The following ST6GALNAC5 variants were observed in gnomAD, a reference collection of about 807,000 sequenced individuals.
The protein encoded by ST6GALNAC5 is alpha-N-acetylgalactosaminide alpha-2,6-sialyltransferase 5.
A neutral mutation model predicts 33.6 loss-of-function variants in ST6GALNAC5; 27 were observed. That is an observed-to-expected ratio of 0.80 (90% CI 0.59 to 1.11). The LOEUF (loss-of-function observed/expected upper bound fraction) is 1.11. Among genes scored for constraint, ST6GALNAC5 ranks in the 50% least tolerant of loss-of-function variants. The pLI is 0.00. For missense variants in ST6GALNAC5, 428 were observed against 454.0 expected (o/e 0.94, Z 0.52); for synonymous variants, 194 against 171.2 (o/e 1.13, Z -1.04).
chr1:76,921,331 C>A (rs1272771622), intron 2 of ST6GALNAC5, among the ~76,000 whole-genome samples: 1 of 152,046 alleles, frequency 6.6e-6, no homozygotes, highest in Admixed American at 6.6e-5. Flanking sequence ...TTCTTTTCCC[C>A]TCTTGGGGAC....
chr1:77,022,418 A>T (rs1473223109), intron 2 of ST6GALNAC5, among the ~76,000 whole-genome samples: 1 of 152,228 alleles, frequency 6.6e-6, no homozygotes, highest in Admixed American at 6.5e-5. Flanking sequence ...GAAAGCCAAT[A>T]TAATGCAGTA....
intron 2 of ST6GALNAC5, among the ~76,000 whole-genome samples, chr1:76,950,172 G>A (rs1647685999): frequency 6.6e-6 from 1 of 152,120 alleles, no homozygotes; most frequent in South Asian, 2.1e-4. Flanking sequence ...TGCACGGTAT[G>A]AAGGACTGAG....
intron 2 of ST6GALNAC5, among the ~76,000 whole-genome samples, chr1:77,012,696 G>T (rs961411965): frequency 6.6e-6 from 1 of 152,176 alleles, no homozygotes; most frequent in African/African-American, 2.4e-5. Flanking sequence ...AGTTAAAGAA[G>T]ATTATGGGTG....
At chr1:76,980,604 G>A (rs990439815) in intron 2 of ST6GALNAC5, among the ~76,000 whole-genome samples, 1 of 152,120 alleles carries the variant, frequency 6.6e-6, no homozygotes, top group African/African-American at 2.4e-5. Flanking sequence ...GAAAATTAAA[G>A]CCTCTTTAAA....
At chr1:77,049,439 G>A (rs1258186798) in intron 3 of ST6GALNAC5, among the ~76,000 whole-genome samples, 1 of 152,152 alleles carries the variant, frequency 6.6e-6, no homozygotes, top group Non-Finnish European at 1.5e-5. Context: ...TAGCATGGTA[G>A]GCTGAGTCAT....
chr1:77,057,372 A>G (rs1652436237), intron 4 of ST6GALNAC5, among the ~76,000 whole-genome samples: 1 of 152,248 alleles, frequency 6.6e-6, no homozygotes, highest in Non-Finnish European at 1.5e-5. Flanking sequence ...AGAAAAGCAT[A>G]CACATTTATT....
intron 2 of ST6GALNAC5, among the ~76,000 whole-genome samples, chr1:76,984,197 C>T (rs895236618): frequency 5.3e-5 from 8 of 151,984 alleles, no homozygotes; most frequent in Non-Finnish European, 1.0e-4. Flanking sequence ...CACAAAAAAC[C>T]CTTCAAAAAA....
At chr1:77,056,379 A>G (rs1296970223) in intron 4 of ST6GALNAC5, among the ~76,000 whole-genome samples, 1 of 152,164 alleles carries the variant, frequency 6.6e-6, no homozygotes, top group African/African-American at 2.4e-5. Flanking sequence ...TCTACCTAAT[A>G]ATCTTATTTC....
intron 2 of ST6GALNAC5, among the ~76,000 whole-genome samples, chr1:76,993,049 G>A (rs1441531613): frequency 1.3e-5 from 2 of 152,054 alleles, no homozygotes; most frequent in African/African-American, 4.8e-5. Flanking sequence ...CACTCACTTA[G>A]AACTTGGATT....
chr1:76,877,255 T>C (rs1653664374), intron 2 of ST6GALNAC5, among the ~76,000 whole-genome samples: 1 of 151,956 alleles, frequency 6.6e-6, no homozygotes, highest in East Asian at 1.9e-4. Context: ...AGGCTCCAAA[T>C]AGCATCCCTA....
At chr1:77,052,917 CAA>C (rs34398611) in intron 4 of ST6GALNAC5, among the ~76,000 whole-genome samples, 379 of 69,960 alleles carry the variant, frequency 5.4e-3, no homozygotes, top group African/African-American at 0.011. Context: ...GGCTCTGTCT[CAA>C]AAAAAAAAAA....
intron 4 of ST6GALNAC5, among the ~76,000 whole-genome samples, chr1:77,057,811 T>G (rs1652449947): frequency 6.6e-6 from 1 of 152,188 alleles, no homozygotes; most frequent in Non-Finnish European, 1.5e-5. Context: ...ACCTCGTCAG[T>G]ACCCAGAAAT....
rs1376946203 is a variant in ST6GALNAC5, at chr1:77,004,211, A to T, written c.262-39993A>T. On this transcript the variant is annotated intron_variant, in intron 2 of 4. Coordinates refer to ENST00000477717, the MANE Select transcript of ST6GALNAC5 (RefSeq NM_030965.3). ...CATTTCTTTTTATTCTTTTTTCTCT[A>T]AACTTCCCTTCTCACTTCATTTCAT... 2.6e-5 allele frequency among the ~76,000 whole-genome samples: 4 copies of T among 151,002 alleles called. No individual in the cohort carries two copies. In the South Asian group the frequency reaches 8.4e-4, roughly 32 times the overall value.
chr1:77,051,750 G>C (rs1434821690), intron 4 of ST6GALNAC5, among the ~76,000 whole-genome samples: 2 of 152,154 alleles, frequency 1.3e-5, no homozygotes, highest in Non-Finnish European at 2.9e-5. Flanking sequence ...GGCCTAAAAA[G>C]GCAAACTGCC....
intron 2 of ST6GALNAC5, among the ~76,000 whole-genome samples, chr1:76,915,878 AAAAAAAAC>A (rs1245460172): frequency 7.1e-6 from 1 of 140,070 alleles, no homozygotes; most frequent in Admixed American, 7.1e-5. Context: ...AAAATAACAA[AAAAAAAAC>A]AAAAAAACAA....
chr1:77,041,688 C>G (rs1392569082), intron 2 of ST6GALNAC5, among the ~76,000 whole-genome samples: 1 of 152,144 alleles, frequency 6.6e-6, no homozygotes, highest in Non-Finnish European at 1.5e-5. Context: ...GAATAGGGGC[C>G]ACTTTCTGGA....
chr1:76,884,962 G>A (rs1429813820), intron 2 of ST6GALNAC5, among the ~76,000 whole-genome samples: 1 of 152,144 alleles, frequency 6.6e-6, no homozygotes, highest in Non-Finnish European at 1.5e-5. Context: ...GGTCCTCCAA[G>A]GAGTTATACA....
At chr1:77,044,912 C>T (rs1208235440) in intron 3 of ST6GALNAC5, among the ~76,000 whole-genome samples, 1 of 152,136 alleles carries the variant, frequency 6.6e-6, no homozygotes, top group African/African-American at 2.4e-5. Context: ...AGCTTTATTG[C>T]ATTTCATTTT....
intron 2 of ST6GALNAC5, among the ~76,000 whole-genome samples, chr1:76,884,335 A>T (rs953595850): frequency 6.6e-6 from 1 of 152,190 alleles, no homozygotes; most frequent in African/African-American, 2.4e-5. Context: ...CTTGCTGTGC[A>T]CCTGAATACC....
Sources: gnomAD v4.1 joint callset for allele counts (sites outside exome capture counted in the v4.1 genomes callset) on GRCh38, gnomAD v4.1.1 for gene constraint, MANE v1.5 for transcripts, NCBI Gene and HGNC (gene_info 2026-07-23, HGNC 2026-07-21) for gene names.